The following KIF13B variants were observed in gnomAD, a reference collection of about 807,000 sequenced individuals.
The protein encoded by KIF13B is kinesin family member 13B.
A neutral mutation model predicts 222.0 loss-of-function variants in KIF13B; 127 were observed. The ratio of observed to expected loss-of-function variants is 0.57; its 90% CI spans 0.50 to 0.66. KIF13B has a LOEUF of 0.66. KIF13B is among the 30% of genes least tolerant of loss of function. The probability of loss-of-function intolerance (pLI) is 0.00; values close to 1 mark genes in which losing one functional copy is unlikely to be tolerated. For missense variants in KIF13B, 2,173 were observed against 2,379.0 expected (o/e 0.91, Z 1.80); for synonymous variants, 976 against 919.0 (o/e 1.06, Z -1.12).
At chr8:29,148,430 G>A (rs1213777605) in intron 16 of KIF13B, 147 bp downstream of exon 16, 78 of 424,982 alleles carry the variant, frequency 1.8e-4, no homozygotes, top group Non-Finnish European at 1.2e-5. Context: ...AGAACGTCTT[G>A]CTATGTTGCC....
At chr8:29,190,690 G>T in intron 4 of KIF13B, 2 of 341,074 alleles carry the variant, frequency 5.9e-6, no homozygotes, top group South Asian at 7.1e-5. Context: ...GACCTGCGCT[G>T]GTGGGAAGGA....
chr8:29,236,955 T>G (rs550015782), intron 2 of KIF13B, among the ~76,000 whole-genome samples: 17 of 152,186 alleles, frequency 1.1e-4, no homozygotes, highest in African/African-American at 4.1e-4. Flanking sequence ...AGATACATCA[T>G]GTAAAAAAAT....
At chr8:29,172,451 A>AT (rs1305753788) in intron 10 of KIF13B, among the ~76,000 whole-genome samples, 1 of 152,234 alleles carries the variant, frequency 6.6e-6, no homozygotes. Context: ...TTTTTAATAC[A>AT]TGAAAGTTGC....
intron 22 of KIF13B, 93 bp downstream of exon 22, chr8:29,133,947 A>C: frequency 8.1e-7 from 1 of 1,236,154 alleles, no homozygotes; most frequent in Non-Finnish European, 1.1e-6. Flanking sequence ...AAGACATATA[A>C]CGGCACATTT....
Position 29,250,958 on chromosome 8 carries a change from G to A in KIF13B, c.56-5519C>T, listed in dbSNP as rs183149549. Among the ~76,000 whole-genome samples, 17 of 152,142 alleles carry A rather than the reference G, an allele frequency of 1.1e-4. No homozygotes were observed. In the East Asian group the frequency reaches 1.5e-3, roughly 14 times the overall value. ...AGCACTTAGAAAGCAAAGCAGTGGC[G>A]TAGACAACATGGTGAAACCCCATCT... On this transcript the variant is annotated intron_variant, in intron 1 of 39. Transcript: ENST00000524189.
At chr8:29,124,330 G>A (rs920099160) in intron 26 of KIF13B, among the ~76,000 whole-genome samples, 3 of 152,170 alleles carry the variant, frequency 2.0e-5, no homozygotes, top group Non-Finnish European at 2.9e-5. Flanking sequence ...AACAGAAAGG[G>A]CATTCTCAGG....
At position 29,148,597 on chromosome 8, in the gene KIF13B, A is replaced by G. The variant is rs762211309; in HGVS notation, c.1793T>C (p.Met598Thr). Residue 598 changes from methionine to threonine, a missense_variant, in exon 16 of 40, where the codon ATG becomes ACG. Physicochemically the swap from Met to Thr is moderately conservative, Grantham distance 81. This residue lies in a region of KIF13B where 1,480 missense variants were observed against 1,722.8 expected (regional missense o/e 0.86). Transcript: ENST00000524189. Reference protein sequence around the residue: ...NYEYAQMEVTMKALGSNDPMQ... With the variant: ...NYEYAQMEVTTKALGSNDPMQ... ...CTCACCATTGCTGCCCAGGGCCTTC[A>G]TGGTGACCTCCATCTGTGCGTATTC... is the stretch of plus-strand genomic sequence containing the variant. 6.2e-7 allele frequency: 1 copy of G among 1,608,860 alleles called. No homozygotes were observed. The highest frequency in any genetic ancestry group is 8.5e-7 in the Non-Finnish European group (1 of 1,177,440).
Position 29,147,430 on chromosome 8 carries a change from G to A in KIF13B, c.1986C>T (p.Pro662=), listed in dbSNP as rs371381066. The A allele has an allele frequency of 6.2e-7, 1 of 1,610,576 alleles. No individual in the cohort carries two copies. Among genetic ancestry groups the A allele is most frequent in the African/African-American group, 1.3e-5 (1 of 74,876 alleles). The change falls in exon 17 of 40, where the codon CCC becomes CCT. Residue 662 remains proline (P), a synonymous_variant. Coordinates refer to ENST00000524189, the MANE Select transcript of KIF13B (RefSeq NM_015254.4). ...RSMDRFSFHS[P]SAQQRLRQWA... ...ACTGTCTTAAGCGTTGCTGAGCGCT[G>A]GGCGAGTGGAAAGAAAACCTGTCCA...
At chr8:29,262,751 G>T (rs1414734819) in intron 1 of KIF13B, among the ~76,000 whole-genome samples, 1 of 150,398 alleles carries the variant, frequency 6.6e-6, no homozygotes, top group Non-Finnish European at 1.5e-5. Flanking sequence ...GGGCCGGCAC[G>T]AGGGGCCCGA....
intron 37 of KIF13B, among the ~76,000 whole-genome samples, chr8:29,091,420 G>A (rs184039443): frequency 2.0e-3 from 311 of 152,240 alleles, no homozygotes; most frequent in Non-Finnish European, 2.9e-3. Flanking sequence ...ACATGACTCC[G>A]CCTTCACCAA....
intron 2 of KIF13B, among the ~76,000 whole-genome samples, chr8:29,228,472 A>AAAAAATATATATATATATAT: frequency 6.0e-5 from 7 of 117,084 alleles, no homozygotes; most frequent in South Asian, 5.7e-4. Flanking sequence ...ATCTTAAAAA[A>AAAAAATATATATATATATAT]ATATATATAT....
chr8:29,123,386 A>T lies in KIF13B; in HGVS notation c.3459T>A (p.Ile1153=). ...AVMVPSAGSG[I]PGAPAEWTPV... ...CATACCATTCTGCTGGGGCCCCTGG[A>T]ATACCACTGCCAGCAGAGGGGACCA... Residue 1153 remains isoleucine, a synonymous_variant, in exon 28 of 40, where the codon ATT becomes ATA. Coordinates refer to ENST00000524189, the MANE Select transcript of KIF13B (RefSeq NM_015254.4). The T allele has an allele frequency of 6.2e-7, 1 of 1,613,998 alleles. No homozygotes were observed.
At position 29,228,472 on chromosome 8, in the gene KIF13B, A is replaced by AAAAAAAAAAAAAAATATATATAT; in HGVS notation, c.149+16873_149+16874insATATATATATTTTTTTTTTTTTT. 8.5e-4 allele frequency among the ~76,000 whole-genome samples: 100 copies of AAAAAAAAAAAAAAATATATATAT among 117,044 alleles called. 2 individuals carry two copies. The highest frequency in any genetic ancestry group is 1.2e-3 in the Admixed American group (13 of 11,194). The allele number at this position is 117,044 out of a possible 152,430, so 76.8% of individuals were successfully genotyped here. A position where few individuals can be genotyped will look rare whatever the true frequency, so the allele number is the denominator to read the frequency against. ...ACAGAGCCAGACTCCATCTTAAAAA[A>AAAAAAAAAAAAAAATATATATAT]ATATATATATATATATATGAGATAC... On this transcript the variant is annotated intron_variant, in intron 2 of 39. Transcript: ENST00000524189.
intron 26 of KIF13B, among the ~76,000 whole-genome samples, chr8:29,125,677 C>T (rs151013229): frequency 2.2e-4 from 33 of 149,664 alleles, no homozygotes; most frequent in Non-Finnish European, 3.5e-4. Context: ...CAGTCCTGAA[C>T]GATGACTAAC....
intron 10 of KIF13B, among the ~76,000 whole-genome samples, chr8:29,173,603 C>G (rs1430096461): frequency 6.6e-6 from 1 of 150,630 alleles, no homozygotes; most frequent in Non-Finnish European, 1.5e-5. Flanking sequence ...GCCTGGACAA[C>G]AGAGAGACCC....
chr8:29,221,702 C>A (rs6996930), intron 2 of KIF13B, among the ~76,000 whole-genome samples: 85 of 152,010 alleles, frequency 5.6e-4, no homozygotes, highest in Non-Finnish European at 1.2e-3. Flanking sequence ...TTTTGTGAAG[C>A]CTTGTAACTG....
chr8:29,212,361 G>A (rs961194732), intron 2 of KIF13B, among the ~76,000 whole-genome samples: 1 of 152,186 alleles, frequency 6.6e-6, no homozygotes, highest in Admixed American at 6.5e-5. Context: ...CCAACACCCA[G>A]TGCAGCATCG....
chr8:29,109,610 C>T (rs1809259798), intron 33 of KIF13B, 99 bp from the exon 34 acceptor site: 9 of 946,174 alleles, frequency 9.5e-6, no homozygotes, highest in East Asian at 2.4e-5. Context: ...TCTATACAGA[C>T]ATTCCTAGCT....
intron 3 of KIF13B, among the ~76,000 whole-genome samples, chr8:29,195,496 T>C (rs768845145): frequency 2.6e-5 from 4 of 152,120 alleles, no homozygotes; most frequent in Non-Finnish European, 4.4e-5. Flanking sequence ...ATTTTAGCAA[T>C]AATAATAGCG....
Sources: allele counts gnomAD v4.1 joint callset (sites outside exome capture counted in the v4.1 genomes callset), GRCh38; gene constraint gnomAD v4.1.1; regional missense constraint gnomAD v4.1.1; transcripts MANE v1.5; gene names NCBI Gene and HGNC (gene_info 2026-07-23, HGNC 2026-07-21).